NXPE2: variants seen among roughly 807,000 people sequenced by gnomAD.
NXPE2 encodes NXPE family member 2.
In NXPE2, 34 loss-of-function variants were observed where a neutral mutation model predicts 34.4. That is an observed-to-expected ratio of 0.99 (90% CI 0.75 to 1.31). The LOEUF (loss-of-function observed/expected upper bound fraction) is 1.31, where lower values mean the gene tolerates loss of function less well. Ranked by LOEUF, NXPE2 falls within the 40% of genes most tolerant of loss-of-function variation. The pLI, the probability that NXPE2 is intolerant of heterozygous loss-of-function variation, is 0.00. For synonymous variants in NXPE2, 235 were observed against 231.3 expected, an observed-to-expected ratio of 1.02 and a Z score of -0.15; for missense variants, 649 against 672.5, an observed-to-expected ratio of 0.97 and a Z score of 0.39.
the NXPE2 span, among the ~76,000 whole-genome samples, chr11:114,626,834 G>A: frequency 6.6e-6 from 1 of 152,242 alleles, no homozygotes; most frequent in South Asian, 2.1e-4. Context: ...AGGAGCTGGT[G>A]GAGCTGAAAA....
chr11:114,800,969 A>G, the NXPE2 span, among the ~76,000 whole-genome samples: 1 of 152,352 alleles, frequency 6.6e-6, no homozygotes, highest in African/African-American at 2.4e-5. Flanking sequence ...ACTGATTAGT[A>G]TGTGAAATTA....
the NXPE2 span, among the ~76,000 whole-genome samples, chr11:114,716,335 T>A: frequency 8.5e-5 from 13 of 152,176 alleles, no homozygotes; most frequent in African/African-American, 2.9e-4. Context: ...CTGCATGTCA[T>A]GAAAAAAGGG....
chr11:114,628,414 A>G, the NXPE2 span, among the ~76,000 whole-genome samples: 1 of 152,340 alleles, frequency 6.6e-6, no homozygotes. Context: ...CTGCTTCTGA[A>G]TGACTACTGG....
At chr11:114,671,981 G>A in the NXPE2 span, among the ~76,000 whole-genome samples, 1,329 of 152,114 alleles carry the variant, frequency 8.7e-3, 18 homozygotes, top group African/African-American at 0.03. Flanking sequence ...TTCTAAGGAG[G>A]CCTCAGAAAA....
chr11:114,581,754 A>G, the NXPE2 span: 1 of 1,611,928 alleles, frequency 6.2e-7, no homozygotes, highest in Non-Finnish European at 8.5e-7. Flanking sequence ...AATTGTATTG[A>G]ATTTTTCCAT....
the NXPE2 span, among the ~76,000 whole-genome samples, chr11:114,804,287 C>T: frequency 4.1e-3 from 625 of 152,290 alleles, 3 homozygotes; most frequent in African/African-American, 0.014. Context: ...AAGAGATTTG[C>T]TCTGGGATTT....
chr11:114,581,140 T>G, the NXPE2 span, among the ~76,000 whole-genome samples: 3 of 152,232 alleles, frequency 2.0e-5, no homozygotes, highest in African/African-American at 7.2e-5. Context: ...GTTTTAATGC[T>G]GAACTTGCAG....
the NXPE2 span, among the ~76,000 whole-genome samples, chr11:114,632,719 A>G: frequency 3.2e-5 from 2 of 61,622 alleles, no homozygotes; most frequent in African/African-American, 1.2e-4. Flanking sequence ...AATATAATAT[A>G]TATAATATAT....
the NXPE2 span, among the ~76,000 whole-genome samples, chr11:114,552,282 G>A: frequency 6.6e-6 from 1 of 152,136 alleles, no homozygotes; most frequent in Non-Finnish European, 1.5e-5. Flanking sequence ...GGTGTTGAGT[G>A]TTGAGACCAA....
Position 114,698,517 on chromosome 11 carries a change from C to T in NXPE2, c.605C>T (p.Ala202Val), listed in dbSNP as rs1334497638. The change falls in exon 3 of 6, where the codon GCT (alanine) becomes GTT (valine). Residue 202 changes from alanine to valine, a missense_variant. By Grantham distance (64) the Ala-to-Val change is moderately conservative (BLOSUM62 0). Coordinates refer to ENST00000389586, the MANE Select transcript of NXPE2 (RefSeq NM_182495.6). Reference protein sequence around the residue: ...LLIHPSEGVSALWRARNQGCD... With the variant: ...LLIHPSEGVSVLWRARNQGCD... The stretch of plus-strand genomic sequence containing the variant: ...ATCCACCCCAGTGAAGGGGTATCAG[C>T]TCTCTGGAGGGCAAGGAACCAAGGA... The T allele has an allele frequency of 3.7e-6, 6 of 1,614,006 alleles. No homozygotes were observed. Among genetic ancestry groups the T allele is most frequent in the South Asian group, 1.1e-5 (1 of 91,084 alleles).
At chr11:114,809,947 A>G in the NXPE2 span, among the ~76,000 whole-genome samples, 1 of 149,382 alleles carries the variant, frequency 6.7e-6, no homozygotes, top group Non-Finnish European at 1.5e-5. Context: ...ACTATACTAC[A>G]CGGCTACAGT....
chr11:114,704,170 A>G, intron 4 of NXPE2, 118 bp downstream of exon 4: 1 of 727,338 alleles, frequency 1.4e-6, no homozygotes, highest in Non-Finnish European at 2.3e-6. Flanking sequence ...GGGACAAATT[A>G]CATCAACCAC....
At chr11:114,566,559 A>G in the NXPE2 span, among the ~76,000 whole-genome samples, 1 of 152,228 alleles carries the variant, frequency 6.6e-6, no homozygotes, top group Non-Finnish European at 1.5e-5. Flanking sequence ...GATTTAGAAC[A>G]TAAACCCAAC....
chr11:114,643,434 T>A, the NXPE2 span, among the ~76,000 whole-genome samples: 18 of 152,128 alleles, frequency 1.2e-4, no homozygotes, highest in African/African-American at 2.4e-5. Context: ...ACTTTTTGTA[T>A]AAGGTGTAAG....
intron 3 of NXPE2, among the ~76,000 whole-genome samples, chr11:114,700,535 G>A (rs1250108111): frequency 6.6e-6 from 1 of 152,112 alleles, no homozygotes; most frequent in African/African-American, 2.4e-5. Context: ...AAGTGAGGGA[G>A]AGAGAAGATG....
the NXPE2 span, chr11:114,522,939 A>C: frequency 1.9e-6 from 3 of 1,613,562 alleles, no homozygotes; most frequent in Non-Finnish European, 2.5e-6. Context: ...CCCAGGAGGT[A>C]AATGAGTTTG....
chr11:114,528,120 G>A, the NXPE2 span, among the ~76,000 whole-genome samples: 2 of 152,228 alleles, frequency 1.3e-5, no homozygotes, highest in East Asian at 3.9e-4. Context: ...CAGCTCTACC[G>A]ATCTGCCACA....
chr11:114,688,119 C>T (rs1166824844), intron 2 of NXPE2, among the ~76,000 whole-genome samples: 1 of 151,818 alleles, frequency 6.6e-6, no homozygotes, highest in Admixed American at 6.6e-5. Context: ...TTAGGACTTC[C>T]AGTATGTTGA....
chr11:114,600,201 A>G, the NXPE2 span, among the ~76,000 whole-genome samples: 1 of 152,216 alleles, frequency 6.6e-6, no homozygotes, highest in African/African-American at 2.4e-5. Context: ...ATTAGAGTGC[A>G]GAAAATCAAT....
Sources: gnomAD v4.1 joint callset for allele counts (sites outside exome capture counted in the v4.1 genomes callset) on GRCh38, gnomAD v4.1.1 for gene constraint, MANE v1.5 for transcripts, NCBI Gene and HGNC (gene_info 2026-07-23, HGNC 2026-07-21) for gene names.